The following CRACD variants were observed in gnomAD, a reference collection of about 807,000 sequenced individuals.
CRACD encodes capping protein-inhibiting regulator of actin dynamics.
In CRACD, 56 loss-of-function variants were observed where a neutral mutation model predicts 106.8. The observed-to-expected ratio is 0.52, with a 90% CI of 0.42 to 0.66. The LOEUF (loss-of-function observed/expected upper bound fraction) is 0.66. Ranked by LOEUF, CRACD falls within the 30% of genes least tolerant of loss-of-function variation. The probability of loss-of-function intolerance (pLI) is 0.00; values close to 1 mark genes in which losing one functional copy is unlikely to be tolerated. For missense variants in CRACD, 1,730 were observed against 1,623.2 expected (o/e 1.07, Z -1.13); for synonymous variants, 754 against 670.8 (o/e 1.12, Z -1.92).
chr4:56,171,519 G>A (rs150063809), intron 1 of CRACD, among the ~76,000 whole-genome samples: 1,755 of 152,280 alleles, frequency 0.012, 15 homozygotes, highest in South Asian at 0.016. Flanking sequence ...GGGATTCACA[G>A]GTTATTGGTG....
intron 1 of CRACD, among the ~76,000 whole-genome samples, chr4:56,076,724 T>C (rs1420236644): frequency 6.6e-6 from 1 of 152,190 alleles, no homozygotes; most frequent in African/African-American, 2.4e-5. Flanking sequence ...GGCCCTCCAG[T>C]GTGCTTTCTT....
intron 2 of CRACD, among the ~76,000 whole-genome samples, chr4:56,221,279 A>C (rs1442297858): frequency 6.6e-6 from 1 of 152,184 alleles, no homozygotes; most frequent in Admixed American, 6.5e-5. Context: ...GAAATACTTC[A>C]CGGAAGAAAA....
intron 1 of CRACD, among the ~76,000 whole-genome samples, chr4:56,112,373 C>G (rs1336343530): frequency 6.6e-6 from 1 of 152,172 alleles, no homozygotes; most frequent in Non-Finnish European, 1.5e-5. Flanking sequence ...TCAGGTTGTT[C>G]TGACCCAGAA....
intron 1 of CRACD, among the ~76,000 whole-genome samples, chr4:56,081,808 T>G (rs867083571): frequency 3.4e-4 from 51 of 152,136 alleles, no homozygotes; most frequent in African/African-American, 1.1e-3. Context: ...AAACCCCATC[T>G]CTACTAAAAA....
At chr4:56,326,265 CGCAG>C (rs10591484) in intron 10 of CRACD, among the ~76,000 whole-genome samples, 79,657 of 151,418 alleles carry the variant, frequency 0.53, 21,210 homozygotes, top group Admixed American at 0.63. Flanking sequence ...TCTTAAGAAC[CGCAG>C]GCAGGCATTA....
intron 1 of CRACD, among the ~76,000 whole-genome samples, chr4:56,159,272 T>C (rs924195841): frequency 1.3e-5 from 2 of 152,212 alleles, no homozygotes; most frequent in African/African-American, 2.4e-5. Flanking sequence ...ATTTATACAT[T>C]TATAGAGCGG....
At chr4:56,321,507 T>C (rs1746107898) in intron 8 of CRACD, among the ~76,000 whole-genome samples, 1 of 152,228 alleles carries the variant, frequency 6.6e-6, no homozygotes, top group African/African-American at 2.4e-5. Flanking sequence ...ATGTAGTGTT[T>C]AGCCAGAATC....
Position 56,328,193 on chromosome 4 carries a change from T to C in CRACD, c.*389T>C. The C allele has an allele frequency of 2.4e-6, 1 of 417,526 alleles. No homozygotes were observed. The highest frequency in any genetic ancestry group is 4.7e-6 in the Non-Finnish European group (1 of 213,172). The allele number at this position is 417,526 out of a possible 1,614,324, so 25.9% of individuals were successfully genotyped here. A position where few individuals can be genotyped will look rare whatever the true frequency, so the allele number is the denominator to read the frequency against. On this transcript the variant is annotated 3_prime_UTR_variant, in exon 11 of 11. Transcript: ENST00000682029. ...TGGTTTTTTGATTCTATGCACTAAT[T>C]TTCTTTGTCCAAAACATTTACTCTA...
chr4:56,278,161 T>G (rs1742785807), intron 3 of CRACD, among the ~76,000 whole-genome samples: 1 of 152,154 alleles, frequency 6.6e-6, no homozygotes, highest in Non-Finnish European at 1.5e-5. Flanking sequence ...AAGTGGATCC[T>G]AAAATTCATA....
chr4:56,314,408 C>G lies in CRACD; in HGVS notation c.906C>G (p.Asp302Glu). Residue 302 changes from aspartate (D) to glutamate (E), a missense_variant, in exon 8 of 11, where the codon GAC becomes GAG. By Grantham distance (45) the Asp-to-Glu change is conservative. Coordinates refer to ENST00000682029, the MANE Select transcript of CRACD (RefSeq NM_001393381.1). The surrounding 1 kb of genome is among the most constrained non-coding windows in gnomAD (Gnocchi z 4.4). ...GCCTGGAAGCGCCAGGTTGGGAGGA[C>G]GCGGAGCGGAGGGAGCGTGAGGAGC... ...QRSLEAPGWE[D>E]AERREREERE... is the part of the protein sequence containing the mutation. 9.0e-7 allele frequency: 1 copy of G among 1,116,594 alleles called. No homozygotes were observed. The highest frequency in any genetic ancestry group is 1.7e-5 in the South Asian group (1 of 58,576). 69.2% of individuals were successfully genotyped at this position (1,116,594 alleles called of 1,614,324 possible).
chr4:56,264,277 C>G (rs948834082), intron 2 of CRACD, among the ~76,000 whole-genome samples: 2 of 152,098 alleles, frequency 1.3e-5, no homozygotes, highest in African/African-American at 4.8e-5. Context: ...GGGGACAGAG[C>G]TAAATCATAT....
chr4:56,059,829 A>G (rs1301375319), intron 1 of CRACD, among the ~76,000 whole-genome samples: 1 of 152,078 alleles, frequency 6.6e-6, no homozygotes, highest in East Asian at 1.9e-4. Flanking sequence ...GATTACAGGC[A>G]TGCGCCACCA....
At chr4:56,276,545 C>G (rs1016012196) in intron 3 of CRACD, among the ~76,000 whole-genome samples, 1 of 152,104 alleles carries the variant, frequency 6.6e-6, no homozygotes, top group Non-Finnish European at 1.5e-5. Flanking sequence ...TTTACCACAA[C>G]TATTTAAGAT....
chr4:56,294,176 A>G (rs1214987914), intron 3 of CRACD, among the ~76,000 whole-genome samples: 1 of 151,668 alleles, frequency 6.6e-6, no homozygotes, highest in Non-Finnish European at 1.5e-5. Context: ...CCCAGCAGCT[A>G]TGATTTAGCC....
chr4:56,264,542 C>G (rs1388997257), intron 2 of CRACD, among the ~76,000 whole-genome samples: 1 of 152,208 alleles, frequency 6.6e-6, no homozygotes, highest in Non-Finnish European at 1.5e-5. Flanking sequence ...GCCTCTGACC[C>G]CTGGGCCTCT....
At chr4:56,063,874 C>T (rs1451021620) in intron 1 of CRACD, among the ~76,000 whole-genome samples, 1 of 152,162 alleles carries the variant, frequency 6.6e-6, no homozygotes, top group East Asian at 1.9e-4. Flanking sequence ...AATGGAATTG[C>T]TGGATCAAAT....
Position 56,315,026 on chromosome 4 carries a change from A to G in CRACD, c.1524A>G (p.Lys508=). 1.3e-6 allele frequency: 2 copies of G among 1,595,554 alleles called. No homozygotes were observed. Among genetic ancestry groups the G allele is most frequent in the South Asian group, 1.1e-5 (1 of 87,790 alleles). ...CCGCGCAGCCTCCGGTGGAGAGGAAAGAAGCCGCCGCCCTTGAACAAGGCC... is the reference window on the plus strand; with the variant it reads ...CCGCGCAGCCTCCGGTGGAGAGGAAGGAAGCCGCCGCCCTTGAACAAGGCC... ...VEAAQPPVER[K]EAAALEQGRK... The change falls in exon 8 of 11, where the codon AAA becomes AAG. Residue 508 remains lysine (K), a synonymous_variant. Transcript: ENST00000682029. The surrounding 1 kb of genome is among the most constrained non-coding windows in gnomAD (Gnocchi z 4.1).
chr4:56,062,311 T>C (rs1329947958), intron 1 of CRACD, among the ~76,000 whole-genome samples: 5 of 152,244 alleles, frequency 3.3e-5, no homozygotes, highest in Non-Finnish European at 5.9e-5. Flanking sequence ...AGTGTCATTA[T>C]GATTTTTTTA....
intron 1 of CRACD, among the ~76,000 whole-genome samples, chr4:56,093,990 G>C (rs929020632): frequency 3.3e-5 from 5 of 152,160 alleles, no homozygotes; most frequent in Admixed American, 2.0e-4. Flanking sequence ...TTATCACTTG[G>C]ATGACTGCAT....
Sources: gnomAD v4.1 joint callset for allele counts (sites outside exome capture counted in the v4.1 genomes callset) on GRCh38, gnomAD v4.1.1 for gene constraint, Gnocchi (gnomAD v3.1) non-coding constraint, MANE v1.5 for transcripts, NCBI Gene and HGNC (gene_info 2026-07-23, HGNC 2026-07-21) for gene names.